ESRP1: variants seen among roughly 807,000 people sequenced by gnomAD.
ESRP1 encodes the protein epithelial splicing regulatory protein 1, also known as RNA-binding motif protein 35A.
ESRP1 carries 33 observed loss-of-function variants against 81.7 expected under a neutral mutation model. The observed-to-expected ratio is 0.40, with a 90% CI of 0.31 to 0.54. ESRP1 has a LOEUF of 0.54. Among genes scored for constraint, ESRP1 ranks in the 20% least tolerant of loss-of-function variants. ESRP1 has a pLI of 0.41. For synonymous variants in ESRP1, 320 were observed against 303.3 expected (o/e 1.06, Z -0.57); for missense variants, 672 against 833.1 (o/e 0.81, Z 2.38).
chr8:94,641,520 G>C lies in ESRP1; in HGVS notation c.132+70G>C. The C allele has an allele frequency of 1.9e-6, 3 of 1,595,136 alleles. No homozygotes were observed. In the African/African-American group the frequency reaches 4.0e-5, roughly 21 times the overall value. ...AGTTTGTGGTAGAGGTTTGGGCGGG[G>C]AGGGGGGTGGAGGTAAGTAAATAAG... On this transcript the variant is annotated intron_variant, in intron 1 of 15. Coordinates refer to ENST00000433389, the MANE Select transcript of ESRP1 (RefSeq NM_017697.4).
intron 4 of ESRP1, among the ~76,000 whole-genome samples, chr8:94,660,527 T>C (rs568525777): frequency 1.3e-5 from 2 of 149,436 alleles, no homozygotes; most frequent in East Asian, 3.9e-4. Flanking sequence ...TCAGCTGAGG[T>C]CAGGAGTTCG....
chr8:94,643,678 T>G (rs1817718592), intron 3 of ESRP1, among the ~76,000 whole-genome samples: 1 of 152,214 alleles, frequency 6.6e-6, no homozygotes, highest in East Asian at 1.9e-4. Flanking sequence ...TTTGGTGTTA[T>G]GTATATACAA....
intron 15 of ESRP1, 115 bp downstream of exon 15, chr8:94,697,076 T>A: frequency 1.5e-6 from 1 of 678,612 alleles, no homozygotes; most frequent in South Asian, 2.5e-5. Context: ...TAATGTAAAA[T>A]ATCAGATATC....
chr8:94,643,742 A>C (rs1817721394), intron 3 of ESRP1, among the ~76,000 whole-genome samples: 1 of 15,158 alleles, frequency 6.6e-5, no homozygotes, highest in South Asian at 0.014. Flanking sequence ...AATTTTCAAG[A>C]TGCATGACAC....
chr8:94,687,096 G>A (rs1347208829), intron 13 of ESRP1, among the ~76,000 whole-genome samples: 2 of 152,062 alleles, frequency 1.3e-5, no homozygotes, highest in African/African-American at 4.8e-5. Context: ...AGAATATTAT[G>A]TCACTCCAAA....
chr8:94,664,120 CTTTTTTT>C (rs755384250), intron 6 of ESRP1, among the ~76,000 whole-genome samples: 1 of 98,534 alleles, frequency 1.0e-5, no homozygotes, highest in Non-Finnish European at 2.1e-5. Context: ...ATTTCCTCAG[CTTTTTTT>C]TTTTTTTTTT....
At chr8:94,681,580 T>C (rs1808887089) in intron 13 of ESRP1, among the ~76,000 whole-genome samples, 1 of 152,068 alleles carries the variant, frequency 6.6e-6, no homozygotes, top group Admixed American at 6.6e-5. Context: ...GAGGCTGTAG[T>C]GAGCCAAGAT....
intron 4 of ESRP1, among the ~76,000 whole-genome samples, chr8:94,652,557 A>G (rs979657196): frequency 2.6e-5 from 4 of 152,002 alleles, no homozygotes; most frequent in Non-Finnish European, 5.9e-5. Context: ...CATTTGTGTA[A>G]ATGGCTTCTT....
chr8:94,702,412 C>G (rs1170952646), intron 15 of ESRP1, among the ~76,000 whole-genome samples: 1 of 152,086 alleles, frequency 6.6e-6, no homozygotes, highest in Admixed American at 6.5e-5. Context: ...CAGTATTTAC[C>G]TCTGTCTGGA....
intron 13 of ESRP1, among the ~76,000 whole-genome samples, chr8:94,678,769 CTG>C (rs1586227105): frequency 1.3e-5 from 2 of 152,328 alleles, no homozygotes; most frequent in East Asian, 3.9e-4. Context: ...TGAATAAAAA[CTG>C]TTGCTTTAAA....
Position 94,660,926 on chromosome 8 carries a change from C to T in ESRP1, c.491-1346C>T, listed in dbSNP as rs532108339. Among the ~76,000 whole-genome samples the T allele has an allele frequency of 3.3e-5, 5 of 152,240 alleles. No individual in the cohort carries two copies. The South Asian group carries it at 1.0e-3, about 32-fold the overall frequency. ...TTGCCACAGCCATCCCAACGTTTAGCAACCATCACCCTGATCTATGAGTAG... is the reference window on the plus strand; with the variant it reads ...TTGCCACAGCCATCCCAACGTTTAGTAACCATCACCCTGATCTATGAGTAG... On this transcript the variant is annotated intron_variant, in intron 4 of 15. Coordinates refer to ENST00000433389, the MANE Select transcript of ESRP1 (RefSeq NM_017697.4).
intron 4 of ESRP1, among the ~76,000 whole-genome samples, chr8:94,656,693 A>G (rs939227433): frequency 6.6e-6 from 1 of 152,234 alleles, no homozygotes; most frequent in African/African-American, 2.4e-5. Context: ...TTGTGTTACT[A>G]TACAATAAAT....
chr8:94,662,302 C>G lies in ESRP1; in HGVS notation c.521C>G (p.Ser174Cys), dbSNP rs200152547. Reference protein sequence around the residue: ...YLNFEKSSSVSRYGASQVEDM... With the variant: ...YLNFEKSSSVCRYGASQVEDM... Reference sequence around the variant, plus strand: ...AATTTTGAGAAGAGTAGTTCAGTCTCTCGATATGGAGCCTCTCAAGTTGAA... The same window carrying G: ...AATTTTGAGAAGAGTAGTTCAGTCTGTCGATATGGAGCCTCTCAAGTTGAA... Residue 174 changes from serine to cysteine, a missense_variant, in exon 5 of 16, where the codon TCT becomes TGT. Ser to Cys is a moderately radical substitution (Grantham distance 112). Transcript: ENST00000433389. The G allele has an allele frequency of 5.0e-5, 79 of 1,581,530 alleles. No homozygotes were observed. In the East Asian group the frequency reaches 1.2e-3, roughly 24 times the overall value.
chr8:94,668,707 G>A (rs138679147), intron 10 of ESRP1, among the ~76,000 whole-genome samples: 1 of 152,166 alleles, frequency 6.6e-6, no homozygotes, highest in East Asian at 1.9e-4. Flanking sequence ...TTTTTAATGT[G>A]TTGCCAAATG....
At chr8:94,678,021 G>A (rs896062992) in intron 12 of ESRP1, among the ~76,000 whole-genome samples, 182 bp from the exon 13 acceptor site, 1 of 152,132 alleles carries the variant, frequency 6.6e-6, no homozygotes, top group African/African-American at 2.4e-5. Context: ...TTGACAGGGT[G>A]GAATTCAGAT....
intron 4 of ESRP1, among the ~76,000 whole-genome samples, chr8:94,650,958 G>A (rs947211396): frequency 1.3e-5 from 2 of 152,134 alleles, no homozygotes; most frequent in Non-Finnish European, 2.9e-5. Context: ...GCCCGCCTTG[G>A]CCTCTTAAAG....
intron 15 of ESRP1, among the ~76,000 whole-genome samples, chr8:94,704,790 A>T (rs919877621): frequency 7.1e-6 from 1 of 141,262 alleles, no homozygotes; most frequent in East Asian, 2.0e-4. Flanking sequence ...AAAAAAAAAA[A>T]AAACTGCAGT....
intron 13 of ESRP1, among the ~76,000 whole-genome samples, chr8:94,688,004 A>G (rs1225834225): frequency 2.0e-5 from 3 of 152,128 alleles, no homozygotes. Flanking sequence ...AGTGTTTTGT[A>G]GTTTTAGCTC....
intron 15 of ESRP1, among the ~76,000 whole-genome samples, chr8:94,700,402 C>T (rs911898930): frequency 8.5e-5 from 13 of 152,080 alleles, no homozygotes; most frequent in Non-Finnish European, 2.9e-5. Context: ...AGCAATGTGA[C>T]GAGGGAGGCA....
Sources: gnomAD v4.1 joint callset for allele counts (sites outside exome capture counted in the v4.1 genomes callset) on GRCh38, gnomAD v4.1.1 for gene constraint, MANE v1.5 for transcripts, NCBI Gene and HGNC (gene_info 2026-07-23, HGNC 2026-07-21) for gene names.